NXPH2: variants seen among roughly 807,000 people sequenced by gnomAD.
NXPH2 encodes the protein neurexophilin 2, also known as neurexophilin-2.
A neutral mutation model predicts 19.8 loss-of-function variants in NXPH2; 5 were observed. That is an observed-to-expected ratio of 0.25 (90% confidence interval 0.13 to 0.53). The LOEUF is 0.53. Among genes scored for constraint, NXPH2 ranks in the 20% least tolerant of loss-of-function variants. The pLI, the probability that NXPH2 is intolerant of heterozygous loss-of-function variation, is 0.96. For synonymous variants in NXPH2, 154 were observed against 127.4 expected (o/e 1.21, Z -1.41); for missense variants, 289 against 322.8 (o/e 0.90, Z 0.80).
rs561191384 is a variant in NXPH2, at chr2:138,755,491, G to T, written c.51+24700C>A. On this transcript the variant is annotated intron_variant, in intron 1 of 1. Coordinates refer to ENST00000272641, the MANE Select transcript of NXPH2 (RefSeq NM_007226.3). Reference sequence around the variant, plus strand: ...AATCAGCTGACTATATTTGTGCAGGGCTGTTTCTTAGTTCTCTTTTTTGCA... The same window carrying T: ...AATCAGCTGACTATATTTGTGCAGGTCTGTTTCTTAGTTCTCTTTTTTGCA... Among the ~76,000 whole-genome samples, 42 of 152,142 alleles carry T rather than the reference G, an allele frequency of 2.8e-4. 1 individual carries two copies. The highest frequency in any genetic ancestry group is 1.0e-3 in the African/African-American group (42 of 41,528).
At chr2:138,700,275 A>G (rs1680899691) in intron 1 of NXPH2, among the ~76,000 whole-genome samples, 1 of 152,214 alleles carries the variant, frequency 6.6e-6, no homozygotes, top group Non-Finnish European at 1.5e-5. Flanking sequence ...AGTAGGCTGT[A>G]TAATAACCAA....
intron 1 of NXPH2, among the ~76,000 whole-genome samples, chr2:138,683,966 T>C (rs968671212): frequency 2.0e-5 from 3 of 152,216 alleles, no homozygotes; most frequent in Non-Finnish European, 4.4e-5. Context: ...TGTTTTTAAG[T>C]TCAGTGACAG....
chr2:138,705,475 G>C (rs922446813), intron 1 of NXPH2, among the ~76,000 whole-genome samples: 2 of 152,170 alleles, frequency 1.3e-5, no homozygotes, highest in African/African-American at 4.8e-5. Flanking sequence ...TAAAGACCCA[G>C]AGTGTCTTCT....
rs142837672 is a variant in NXPH2 at position 138,735,443 on chromosome 2, T to A, written c.51+44748A>T. ...CAGTGAGAGCCAAGCAAAAGAGGTT[T>A]TCCCTCATAAAACCATCAGAACTCA... On this transcript the variant is annotated intron_variant, in intron 1 of 1. Transcript: ENST00000272641. Among the ~76,000 whole-genome samples, 387 of 152,128 alleles carry A rather than the reference T, an allele frequency of 2.5e-3. 1 individual carries two copies. Among genetic ancestry groups the A allele is most frequent in the African/African-American group, 8.4e-3 (350 of 41,494 alleles).
rs2104962431 is a variant in NXPH2, at chr2:138,670,758, C to T, written c.*164G>A. 1 of 693,120 alleles carries T rather than the reference C, an allele frequency of 1.4e-6. No homozygotes were observed. The highest frequency in any genetic ancestry group is 2.7e-5 in the South Asian group (1 of 37,284). The allele number at this position is 693,120 out of a possible 1,614,324, so 42.9% of individuals were successfully genotyped here. A position where few individuals can be genotyped will look rare whatever the true frequency, so the allele number is the denominator to read the frequency against. Reference sequence around the variant, plus strand: ...ACGATAGAAAGAAACAAATTTCACACTTAAAGATGTCTCTTTTTCTTTTTT... The same window carrying T: ...ACGATAGAAAGAAACAAATTTCACATTTAAAGATGTCTCTTTTTCTTTTTT... On this transcript the variant is annotated 3_prime_UTR_variant, in exon 2 of 2. Transcript: ENST00000272641.
chr2:138,735,557 G>C (rs1324455767), intron 1 of NXPH2, among the ~76,000 whole-genome samples: 1 of 152,084 alleles, frequency 6.6e-6, no homozygotes, highest in Non-Finnish European at 1.5e-5. Flanking sequence ...CACAACACAA[G>C]GGAATTATGG....
At chr2:138,758,301 C>T (rs920302127) in intron 1 of NXPH2, among the ~76,000 whole-genome samples, 2 of 152,156 alleles carry the variant, frequency 1.3e-5, no homozygotes, top group Non-Finnish European at 2.9e-5. Flanking sequence ...TAGGACACCT[C>T]TGCCTGAATT....
At chr2:138,701,164 G>A (rs898962017) in intron 1 of NXPH2, among the ~76,000 whole-genome samples, 2 of 152,120 alleles carry the variant, frequency 1.3e-5, no homozygotes, top group Non-Finnish European at 2.9e-5. Context: ...TGTAATTCTA[G>A]GAGCGTTTGC....
intron 1 of NXPH2, among the ~76,000 whole-genome samples, chr2:138,688,081 C>A (rs1680688732): frequency 6.6e-6 from 1 of 152,126 alleles, no homozygotes; most frequent in South Asian, 2.1e-4. Context: ...TGAAGAAAGT[C>A]GTTGGTAGCT....
intron 1 of NXPH2, among the ~76,000 whole-genome samples, chr2:138,719,003 T>C (rs1286596087): frequency 6.6e-6 from 1 of 152,148 alleles, no homozygotes; most frequent in African/African-American, 2.4e-5. Context: ...TAAATTGTAA[T>C]GATAACCCTA....
chr2:138,728,798 C>T (rs1269248757), intron 1 of NXPH2, among the ~76,000 whole-genome samples: 1 of 152,138 alleles, frequency 6.6e-6, no homozygotes, highest in African/African-American at 2.4e-5. Flanking sequence ...TAAAATGGCA[C>T]ACATCAGTAA....
At chr2:138,754,137 G>C (rs999165326) in intron 1 of NXPH2, among the ~76,000 whole-genome samples, 1 of 151,930 alleles carries the variant, frequency 6.6e-6, no homozygotes, top group African/African-American at 2.4e-5. Flanking sequence ...ATACAATTAG[G>C]CTATTTTGTC....
intron 1 of NXPH2, among the ~76,000 whole-genome samples, chr2:138,681,790 T>C (rs1680583574): frequency 6.6e-6 from 1 of 152,220 alleles, no homozygotes; most frequent in Non-Finnish European, 1.5e-5. Flanking sequence ...TTATTATTGT[T>C]GTTTCAGAAT....
At chr2:138,707,094 C>CAAAAAAAAAAAAAAAAAAAA (rs70982073) in intron 1 of NXPH2, among the ~76,000 whole-genome samples, 577 of 34,766 alleles carry the variant, frequency 0.017, 150 homozygotes, top group Middle Eastern at 0.053. Context: ...TGCCCCATGA[C>CAAAAAAAAAAAAAAAAAAAA]AAAAAAAAAA....
At chr2:138,728,058 GC>G in intron 1 of NXPH2, among the ~76,000 whole-genome samples, 1 of 152,144 alleles carries the variant, frequency 6.6e-6, no homozygotes, top group Non-Finnish European at 1.5e-5. Flanking sequence ...ATATATTGAA[GC>G]CCTTGCCTTC....
At position 138,669,784 on chromosome 2, in the gene NXPH2, G is replaced by C; in HGVS notation, c.*1138C>G. 6.6e-6 allele frequency among the ~76,000 whole-genome samples: 1 copy of C among 152,218 alleles called. No individual in the cohort carries two copies. ...AGGGAAGATGAGAAGGGCACTGACT[G>C]TGAAGTGACATTAATTTGAAAGTCA... is the stretch of plus-strand genomic sequence containing the variant. On this transcript the variant is annotated 3_prime_UTR_variant, in exon 2 of 2. Transcript: ENST00000272641.
intron 1 of NXPH2, among the ~76,000 whole-genome samples, chr2:138,707,094 C>A (rs1307396905): frequency 3.0e-3 from 103 of 34,802 alleles, no homozygotes; most frequent in South Asian, 6.3e-3. Context: ...TGCCCCATGA[C>A]AAAAAAAAAA....
At chr2:138,758,681 A>C (rs1273549908) in intron 1 of NXPH2, among the ~76,000 whole-genome samples, 2 of 152,216 alleles carry the variant, frequency 1.3e-5, no homozygotes, top group Admixed American at 1.3e-4. Context: ...CTCAAAATTG[A>C]AAGACTCACA....
chr2:138,750,242 C>T (rs896756612), intron 1 of NXPH2, among the ~76,000 whole-genome samples: 1 of 152,048 alleles, frequency 6.6e-6, no homozygotes, highest in Admixed American at 6.5e-5. Context: ...ATACTATGCT[C>T]AAAGAAGCAT....
Sources: allele counts gnomAD v4.1 joint callset (sites outside exome capture counted in the v4.1 genomes callset), GRCh38; gene constraint gnomAD v4.1.1; transcripts MANE v1.5; gene names NCBI Gene and HGNC (gene_info 2026-07-23, HGNC 2026-07-21).